PPP1R12B: variants seen among roughly 807,000 people sequenced by gnomAD.
The protein encoded by PPP1R12B is protein phosphatase 1 regulatory subunit 12B.
Under a neutral mutation model 126.1 loss-of-function variants are expected in PPP1R12B, and 76 were observed. The ratio of observed to expected loss-of-function variants is 0.60; its 90% CI spans 0.50 to 0.73. PPP1R12B has a LOEUF of 0.73. Ranked by LOEUF, PPP1R12B falls within the 30% of genes least tolerant of loss-of-function variation. The pLI is 0.00. For missense variants in PPP1R12B, 1,052 were observed against 1,205.1 expected (o/e 0.87, Z 1.88); for synonymous variants, 356 against 434.7 (o/e 0.82, Z 2.25).
chr1:202,438,521 A>C, intron 10 of PPP1R12B: 1 of 407,462 alleles, frequency 2.5e-6, no homozygotes. Context: ...GATGACCTGA[A>C]AGAGCTGCCC....
At chr1:202,367,547 G>C (rs1349299166) in intron 1 of PPP1R12B, among the ~76,000 whole-genome samples, 1 of 152,108 alleles carries the variant, frequency 6.6e-6, no homozygotes, top group Non-Finnish European at 1.5e-5. Context: ...AAAAACTCCA[G>C]TTGCTAGGAA....
At chr1:202,408,366 T>C (rs1666913684) in intron 1 of PPP1R12B, among the ~76,000 whole-genome samples, 1 of 152,222 alleles carries the variant, frequency 6.6e-6, no homozygotes, top group African/African-American at 2.4e-5. Context: ...AAACAGTTTC[T>C]AAAACTTTCT....
intron 19 of PPP1R12B, among the ~76,000 whole-genome samples, chr1:202,561,417 TTTAC>T (rs1265538940): frequency 1.3e-5 from 2 of 152,078 alleles, no homozygotes; most frequent in African/African-American, 4.8e-5. Context: ...CAAATCTATT[TTTAC>T]TTAGATGGCA....
At chr1:202,478,452 A>G (rs749235842) in intron 13 of PPP1R12B, among the ~76,000 whole-genome samples, 5 of 152,248 alleles carry the variant, frequency 3.3e-5, no homozygotes, top group Admixed American at 6.5e-5. Flanking sequence ...AGAAAAATGA[A>G]TGAAAATGTT....
chr1:202,370,337 G>A (rs1466851698), intron 1 of PPP1R12B, among the ~76,000 whole-genome samples: 1 of 151,972 alleles, frequency 6.6e-6, no homozygotes, highest in African/African-American at 2.4e-5. Context: ...GTTTTTTATG[G>A]CTGAGTAGTA....
intron 13 of PPP1R12B, among the ~76,000 whole-genome samples, chr1:202,487,929 A>T (rs950526773): frequency 6.6e-6 from 1 of 152,186 alleles, no homozygotes. Flanking sequence ...CCAGTGGATG[A>T]CTGAACCTAC....
intron 1 of PPP1R12B, among the ~76,000 whole-genome samples, chr1:202,378,251 T>G: frequency 6.8e-6 from 1 of 147,906 alleles, no homozygotes; most frequent in South Asian, 2.1e-4. Context: ...TTCATTCTTT[T>G]TTTTTTTTTT....
At chr1:202,450,955 G>T (rs1672843213) in intron 13 of PPP1R12B, among the ~76,000 whole-genome samples, 1 of 152,080 alleles carries the variant, frequency 6.6e-6, no homozygotes, top group Admixed American at 6.5e-5. Context: ...GGGTAGTATG[G>T]ACGTTTTAAC....
In PPP1R12B at chr1:202,431,652, T is replaced by C. The variant is rs1571982307; in HGVS notation, c.1141+33T>C. ...AAAGATGTTCATAGTGAAGATCCTC[T>C]ATCTCCATAGTGTAAGAAGATTACT... On this transcript the variant is annotated intron_variant, in intron 8 of 23. Transcript: ENST00000608999. 38 of 1,583,014 alleles carry C rather than the reference T, an allele frequency of 2.4e-5. No homozygotes were observed. In the East Asian group the frequency reaches 7.9e-4, roughly 33 times the overall value.
chr1:202,446,256 A>ATTTT (rs71142531), intron 12 of PPP1R12B, among the ~76,000 whole-genome samples: 6,572 of 54,064 alleles, frequency 0.12, 715 homozygotes, highest in Non-Finnish European at 0.17. Context: ...ATATATATAT[A>ATTTT]TTTTTTTTTT....
intron 1 of PPP1R12B, among the ~76,000 whole-genome samples, chr1:202,349,843 T>C (rs1027695741): frequency 6.6e-6 from 1 of 152,198 alleles, no homozygotes; most frequent in Non-Finnish European, 1.5e-5. Flanking sequence ...TCTAAAGTGC[T>C]CTATAGAAAT....
At chr1:202,579,435 A>G (rs2149043957) in intron 23 of PPP1R12B, among the ~76,000 whole-genome samples, 1 of 152,342 alleles carries the variant, frequency 6.6e-6, no homozygotes, top group South Asian at 2.1e-4. Flanking sequence ...TGTAGCCTGC[A>G]TAGTGGCGAT....
At chr1:202,363,364 G>C (rs1033567883) in intron 1 of PPP1R12B, among the ~76,000 whole-genome samples, 1 of 152,108 alleles carries the variant, frequency 6.6e-6, no homozygotes, top group Non-Finnish European at 1.5e-5. Flanking sequence ...CTATTAATCT[G>C]TTCATAGTAA....
intron 13 of PPP1R12B, among the ~76,000 whole-genome samples, chr1:202,467,126 A>C (rs1417430981): frequency 1.3e-5 from 2 of 151,848 alleles, no homozygotes; most frequent in Non-Finnish European, 2.9e-5. Flanking sequence ...TCTTTCTTAT[A>C]TGCAAATCTC....
intron 22 of PPP1R12B, among the ~76,000 whole-genome samples, chr1:202,568,632 G>A (rs1199717637): frequency 6.6e-6 from 1 of 152,132 alleles, no homozygotes; most frequent in Non-Finnish European, 1.5e-5. Flanking sequence ...GAAATGGAAC[G>A]GGAGAGAAGC....
intron 1 of PPP1R12B, among the ~76,000 whole-genome samples, chr1:202,398,436 C>G (rs1665323755): frequency 6.6e-6 from 1 of 152,182 alleles, no homozygotes; most frequent in Non-Finnish European, 1.5e-5. Context: ...TCACTGAACT[C>G]TCTTCGTTAT....
chr1:202,368,890 C>T (rs1025037859), intron 1 of PPP1R12B, among the ~76,000 whole-genome samples: 5 of 152,068 alleles, frequency 3.3e-5, no homozygotes, highest in African/African-American at 1.2e-4. Flanking sequence ...CACCACCATG[C>T]CTGGCTATTT....
At chr1:202,459,754 ATT>A (rs1323655087) in intron 13 of PPP1R12B, among the ~76,000 whole-genome samples, 1 of 152,214 alleles carries the variant, frequency 6.6e-6, no homozygotes, top group Non-Finnish European at 1.5e-5. Context: ...CTTCTATTGA[ATT>A]TAAGTATTAT....
In PPP1R12B at chr1:202,508,809, C is replaced by T. The variant is rs1308597095; in HGVS notation, c.2490+11987C>T. Among the ~76,000 whole-genome samples, 2 of 152,178 alleles carry T rather than the reference C, an allele frequency of 1.3e-5. No individual in the cohort carries two copies. The highest frequency in any genetic ancestry group is 6.5e-5 in the Admixed American group (1 of 15,276). The stretch of plus-strand genomic sequence containing the variant: ...AAAGCAGATGTTTATACCTATTCTC[C>T]GGCAGAACATGTTGGTGGTGGGACA... On this transcript the variant is annotated intron_variant, in intron 18 of 23. Transcript: ENST00000608999. The surrounding 1 kb of genome is among the most constrained non-coding windows in gnomAD (Gnocchi z 4.5).
Sources: gnomAD v4.1 joint callset for allele counts (sites outside exome capture counted in the v4.1 genomes callset) on GRCh38, gnomAD v4.1.1 for gene constraint, Gnocchi (gnomAD v3.1) non-coding constraint, MANE v1.5 for transcripts, NCBI Gene and HGNC (gene_info 2026-07-23, HGNC 2026-07-21) for gene names.